Variants in LRBA observed in about 807,000 individuals in gnomAD.
The protein encoded by LRBA is LPS responsive beige-like anchor protein.
Under a neutral mutation model 330.0 loss-of-function variants are expected in LRBA, and 176 were observed. That is an observed-to-expected ratio of 0.53 (90% CI 0.47 to 0.60). The LOEUF (loss-of-function observed/expected upper bound fraction) is 0.60. Ranked by LOEUF, LRBA falls within the 20% of genes least tolerant of loss-of-function variation. LRBA has a pLI of 0.00. For synonymous variants in LRBA, 1,230 were observed against 1,193.0 expected (o/e 1.03, Z -0.64); for missense variants, 3,259 against 3,444.8 (o/e 0.95, Z 1.35).
chr4:150,707,322 A>G (rs569332898), intron 36 of LRBA, among the ~76,000 whole-genome samples: 1 of 151,872 alleles, frequency 6.6e-6, no homozygotes, highest in African/African-American at 2.4e-5. Context: ...GGTAGACATG[A>G]GATTGTTAAA....
intron 22 of LRBA, among the ~76,000 whole-genome samples, chr4:150,862,264 C>G (rs373071327): frequency 1.1e-4 from 16 of 152,146 alleles, no homozygotes; most frequent in African/African-American, 3.6e-4. Flanking sequence ...CAATAGCAAA[C>G]ACTTGCAGCC....
chr4:150,547,320 C>T (rs947269622), intron 40 of LRBA, among the ~76,000 whole-genome samples: 2 of 151,992 alleles, frequency 1.3e-5, no homozygotes, highest in Non-Finnish European at 2.9e-5. Context: ...AAGAAAAATG[C>T]GACAAAACAC....
intron 46 of LRBA, chr4:150,423,708 C>T: frequency 5.2e-6 from 1 of 192,872 alleles, no homozygotes; most frequent in Non-Finnish European, 1.0e-5. Flanking sequence ...ACAGCAGCTC[C>T]AGCACCAGGC....
chr4:150,492,976 T>C (rs752483403), intron 40 of LRBA, among the ~76,000 whole-genome samples: 88 of 152,254 alleles, frequency 5.8e-4, no homozygotes, highest in Non-Finnish European at 1.1e-3. Flanking sequence ...CTACCTGAAA[T>C]TTTAAATATT....
At chr4:150,299,402 T>C (rs1048858832) in intron 53 of LRBA, among the ~76,000 whole-genome samples, 6 of 152,146 alleles carry the variant, frequency 3.9e-5, no homozygotes, top group African/African-American at 1.4e-4. Context: ...AAAATAAGCC[T>C]TTTGCTATGT....
In LRBA at chr4:150,694,462, C is replaced by CAAAAAAAAAAAAAAAAAAAAAAAAAAAA. The variant is rs58558446; in HGVS notation, c.5755-10746_5755-10745insTTTTTTTTTTTTTTTTTTTTTTTTTTTT. 1.7e-4 allele frequency among the ~76,000 whole-genome samples: 12 copies of CAAAAAAAAAAAAAAAAAAAAAAAAAAAA among 71,026 alleles called. 4 individuals are homozygous for CAAAAAAAAAAAAAAAAAAAAAAAAAAAA. The highest frequency in any genetic ancestry group is 3.9e-4 in the African/African-American group (8 of 20,414). 46.6% of individuals were successfully genotyped at this position (71,026 alleles called of 152,430 possible). A position where few individuals can be genotyped will look rare whatever the true frequency, so the allele number is the denominator to read the frequency against. On this transcript the variant is annotated intron_variant, in intron 36 of 56. Transcript: ENST00000651943. ...CCTTACCTTAAAGTGTGATCTTTAA[C>CAAAAAAAAAAAAAAAAAAAAAAAAAAAA]AAAAAAAAAAAAAAGCTATCTACAG...
intron 46 of LRBA, among the ~76,000 whole-genome samples, chr4:150,420,002 C>T (rs1472851199): frequency 6.7e-6 from 1 of 150,102 alleles, no homozygotes; most frequent in African/African-American, 2.4e-5. Context: ...TTTGGGAGGC[C>T]GAGGCAGAAG....
chr4:150,497,357 C>T (rs1405082184), intron 40 of LRBA, among the ~76,000 whole-genome samples: 1 of 152,082 alleles, frequency 6.6e-6, no homozygotes. Flanking sequence ...TTGAATTTGA[C>T]AATGACAATG....
At chr4:150,984,844 T>C (rs967170620) in intron 2 of LRBA, among the ~76,000 whole-genome samples, 2 of 152,222 alleles carry the variant, frequency 1.3e-5, no homozygotes, top group African/African-American at 4.8e-5. Context: ...AATGGAATTA[T>C]AAAAGTGATG....
At chr4:150,878,133 G>C (rs188936666) in intron 17 of LRBA, among the ~76,000 whole-genome samples, 28 of 151,540 alleles carry the variant, frequency 1.8e-4, no homozygotes, top group African/African-American at 6.5e-4. Flanking sequence ...AGGAGTTCTG[G>C]ACCAGCCTGG....
chr4:150,700,226 C>G (rs754089600), intron 36 of LRBA, among the ~76,000 whole-genome samples: 1 of 152,054 alleles, frequency 6.6e-6, no homozygotes, highest in Non-Finnish European at 1.5e-5. Context: ...AGAAAAGCCA[C>G]AATTTATATT....
chr4:150,459,164 T>G (rs527529710), intron 44 of LRBA, among the ~76,000 whole-genome samples: 2 of 152,032 alleles, frequency 1.3e-5, no homozygotes, highest in African/African-American at 4.8e-5. Context: ...TCTAATAGCA[T>G]GACAGCAGAA....
intron 42 of LRBA, among the ~76,000 whole-genome samples, chr4:150,476,056 C>T (rs897585764): frequency 2.6e-5 from 4 of 152,146 alleles, no homozygotes; most frequent in Non-Finnish European, 5.9e-5. Flanking sequence ...AAAGAATCAA[C>T]TTTTGTTTCA....
intron 2 of LRBA, among the ~76,000 whole-genome samples, chr4:150,990,118 G>A (rs1741904426): frequency 6.6e-6 from 1 of 152,044 alleles, no homozygotes; most frequent in Admixed American, 6.6e-5. Flanking sequence ...AATCTACACT[G>A]TAAGGGTGGA....
At chr4:150,419,822 G>C (rs923527945) in intron 46 of LRBA, among the ~76,000 whole-genome samples, 2 of 151,000 alleles carry the variant, frequency 1.3e-5, no homozygotes, top group Non-Finnish European at 3.0e-5. Context: ...ATTTTTAGTA[G>C]AGACGGGGTT....
intron 37 of LRBA, among the ~76,000 whole-genome samples, chr4:150,672,812 T>C (rs1049385666): frequency 7.9e-5 from 12 of 152,184 alleles, no homozygotes; most frequent in Non-Finnish European, 1.3e-4. Context: ...TACTGTTATA[T>C]ACTCAGTAAT....
intron 47 of LRBA, among the ~76,000 whole-genome samples, chr4:150,401,645 A>G (rs542066720): frequency 6.6e-6 from 1 of 152,284 alleles, no homozygotes; most frequent in Admixed American, 6.5e-5. Flanking sequence ...ATTACATGTT[A>G]TATATCACTA....
intron 35 of LRBA, among the ~76,000 whole-genome samples, chr4:150,760,215 T>C (rs1196202675): frequency 6.6e-6 from 1 of 152,182 alleles, no homozygotes; most frequent in Non-Finnish European, 1.5e-5. Flanking sequence ...ATATACACTT[T>C]GAAATGTTTA....
chr4:150,634,428 CTATT>C (rs1777686169), intron 37 of LRBA, among the ~76,000 whole-genome samples: 1 of 152,092 alleles, frequency 6.6e-6, no homozygotes, highest in African/African-American at 2.4e-5. Flanking sequence ...TATTCACTGA[CTATT>C]CAATCAATAA....
Sources: gnomAD v4.1 joint callset for allele counts (sites outside exome capture counted in the v4.1 genomes callset) on GRCh38, gnomAD v4.1.1 for gene constraint, MANE v1.5 for transcripts, NCBI Gene and HGNC (gene_info 2026-07-23, HGNC 2026-07-21) for gene names.